Variants in MACROD2 observed in about 807,000 individuals in gnomAD.
MACROD2 encodes ADP-ribose glycohydrolase MACROD2.
Under a neutral mutation model 70.4 loss-of-function variants are expected in MACROD2, and 36 were observed. The observed-to-expected ratio is 0.51, with a 90% CI of 0.39 to 0.68. The LOEUF (loss-of-function observed/expected upper bound fraction) is 0.68, where lower values mean the gene tolerates loss of function less well. Among genes scored for constraint, MACROD2 ranks in the 30% least tolerant of loss-of-function variants. The probability of loss-of-function intolerance (pLI) is 0.00; values close to 1 mark genes in which losing one functional copy is unlikely to be tolerated. For missense variants in MACROD2, 496 were observed against 538.4 expected, an observed-to-expected ratio of 0.92 and a Z score of 0.78; for synonymous variants, 172 against 178.8, an observed-to-expected ratio of 0.96 and a Z score of 0.30.
chr20:14,400,077 T>C (rs894941970), intron 3 of MACROD2, among the ~76,000 whole-genome samples: 5 of 152,046 alleles, frequency 3.3e-5, no homozygotes, highest in African/African-American at 1.2e-4. Flanking sequence ...GTAGGTTGTA[T>C]TTTTTTCTTG....
intron 7 of MACROD2, among the ~76,000 whole-genome samples, chr20:15,467,632 A>G (rs768785760): frequency 6.6e-6 from 1 of 152,202 alleles, no homozygotes; most frequent in South Asian, 2.1e-4. Flanking sequence ...TGGCCACAGT[A>G]TATGGTCTCT....
intron 6 of MACROD2, among the ~76,000 whole-genome samples, chr20:15,274,017 C>T (rs778135397): frequency 6.6e-5 from 10 of 152,106 alleles, no homozygotes; most frequent in Non-Finnish European, 1.3e-4. Flanking sequence ...ACTACATGGT[C>T]CTTATCCTTC....
At chr20:15,250,968 G>A (rs1420836415) in intron 6 of MACROD2, among the ~76,000 whole-genome samples, 1 of 152,132 alleles carries the variant, frequency 6.6e-6, no homozygotes, top group Non-Finnish European at 1.5e-5. Flanking sequence ...AAAGCTTCAT[G>A]TTTGCATCAA....
At chr20:15,829,845 C>T (rs560203633) in intron 8 of MACROD2, among the ~76,000 whole-genome samples, 61 of 152,152 alleles carry the variant, frequency 4.0e-4, no homozygotes, top group African/African-American at 1.4e-3. Flanking sequence ...TGTGAGCATA[C>T]AGAAGGGATT....
intron 4 of MACROD2, among the ~76,000 whole-genome samples, chr20:14,495,936 C>T (rs1256499776): frequency 1.3e-5 from 2 of 152,114 alleles, no homozygotes; most frequent in African/African-American, 4.8e-5. Context: ...TAAAGTAGGT[C>T]ATCGACAGGT....
intron 8 of MACROD2, among the ~76,000 whole-genome samples, chr20:15,601,595 G>C (rs760033212): frequency 1.3e-5 from 2 of 152,084 alleles, no homozygotes; most frequent in East Asian, 3.9e-4. Context: ...TCCAGTGATC[G>C]GTGATCACCT....
At chr20:15,421,372 C>G (rs1429129406) in intron 6 of MACROD2, among the ~76,000 whole-genome samples, 2 of 72,864 alleles carry the variant, frequency 2.7e-5, no homozygotes, top group East Asian at 5.0e-4. Context: ...GAGTGAGACT[C>G]TGTCTCAAAA....
chr20:15,239,971 G>T (rs2077046942), intron 6 of MACROD2, among the ~76,000 whole-genome samples: 1 of 152,170 alleles, frequency 6.6e-6, no homozygotes, highest in Non-Finnish European at 1.5e-5. Context: ...CTATCAGAAA[G>T]ACAGGGGCAA....
At chr20:14,441,855 T>C (rs533327305) in intron 3 of MACROD2, among the ~76,000 whole-genome samples, 2 of 151,648 alleles carry the variant, frequency 1.3e-5, no homozygotes, top group Non-Finnish European at 2.9e-5. Context: ...GCTGTTACAA[T>C]GTTGATAGTG....
At chr20:14,221,106 C>T (rs938061291) in intron 3 of MACROD2, among the ~76,000 whole-genome samples, 9 of 152,328 alleles carry the variant, frequency 5.9e-5, no homozygotes, top group Middle Eastern at 3.4e-3. Flanking sequence ...ATGCTGTCAA[C>T]ATTATTGCTT....
chr20:14,891,085 TCTTTC>T (rs2073754514), intron 5 of MACROD2, among the ~76,000 whole-genome samples: 2 of 150,950 alleles, frequency 1.3e-5, no homozygotes, highest in South Asian at 4.2e-4. Flanking sequence ...TCTCCTTCCT[TCTTTC>T]CTTTTTGTGC....
intron 5 of MACROD2, among the ~76,000 whole-genome samples, chr20:15,151,073 G>C (rs1011864388): frequency 6.6e-6 from 1 of 152,010 alleles, no homozygotes; most frequent in Non-Finnish European, 1.5e-5. Flanking sequence ...CTTCCGAGGC[G>C]ATCAGGCAGT....
At chr20:15,057,576 C>A (rs2075496720) in intron 5 of MACROD2, among the ~76,000 whole-genome samples, 1 of 152,194 alleles carries the variant, frequency 6.6e-6, no homozygotes, top group Non-Finnish European at 1.5e-5. Context: ...CCCATCCCAC[C>A]TTGCAACCAT....
chr20:14,627,723 T>C (rs1377153218), intron 4 of MACROD2, among the ~76,000 whole-genome samples: 1 of 152,242 alleles, frequency 6.6e-6, no homozygotes, highest in Non-Finnish European at 1.5e-5. Context: ...TTTGTGTGTT[T>C]TGATTCTTAC....
intron 3 of MACROD2, among the ~76,000 whole-genome samples, chr20:14,113,731 C>A (rs1214120634): frequency 6.6e-6 from 1 of 152,058 alleles, no homozygotes; most frequent in Non-Finnish European, 1.5e-5. Flanking sequence ...TCCATTACCA[C>A]TGGGTTGAAG....
At chr20:14,710,620 A>G (rs947090177) in intron 5 of MACROD2, among the ~76,000 whole-genome samples, 38 of 152,288 alleles carry the variant, frequency 2.5e-4, no homozygotes, top group African/African-American at 8.2e-4. Context: ...AAAAGTTAAA[A>G]GATCTCTTTT....
chr20:14,260,588 C>G (rs551017614), intron 3 of MACROD2, among the ~76,000 whole-genome samples: 4 of 152,254 alleles, frequency 2.6e-5, no homozygotes, highest in Admixed American at 2.6e-4. Context: ...CAGGCATGAG[C>G]CACCACACCC....
chr20:15,291,105 A>G (rs547098962), intron 6 of MACROD2, among the ~76,000 whole-genome samples: 1 of 152,348 alleles, frequency 6.6e-6, no homozygotes, highest in South Asian at 2.1e-4. Flanking sequence ...ATTGTGTTGC[A>G]AATTTGTGAA....
chr20:15,846,729 A>G (rs1218785570), intron 8 of MACROD2, among the ~76,000 whole-genome samples: 2 of 152,038 alleles, frequency 1.3e-5, no homozygotes, highest in East Asian at 1.9e-4. Context: ...TAGAGAGAAA[A>G]CATGGCGAAA....
Sources: allele counts gnomAD v4.1 joint callset (sites outside exome capture counted in the v4.1 genomes callset), GRCh38; gene constraint gnomAD v4.1.1; transcripts MANE v1.5; gene names NCBI Gene and HGNC (gene_info 2026-07-23, HGNC 2026-07-21).